The following SCGB2B2 variants were observed in gnomAD, a reference collection of about 807,000 sequenced individuals.
SCGB2B2 encodes the protein secretoglobin family 2B member 2.
A neutral mutation model predicts 7.6 loss-of-function variants in SCGB2B2; 11 were observed. The observed-to-expected ratio is 1.45, with a 90% CI of 0.91 to 2.40. The LOEUF (loss-of-function observed/expected upper bound fraction) is 2.40. Ranked by LOEUF, SCGB2B2 falls within the 30% of genes most tolerant of loss-of-function variation. The pLI is 0.00. For missense variants in SCGB2B2, 104 were observed against 115.4 expected, an observed-to-expected ratio of 0.90 and a Z score of 0.45; for synonymous variants, 50 against 48.6, an observed-to-expected ratio of 1.03 and a Z score of -0.12.
chr19:34,643,906 GAAA>G (rs945138745), intron 1 of SCGB2B2, among the ~76,000 whole-genome samples: 1 of 142,138 alleles, frequency 7.0e-6, no homozygotes, highest in Non-Finnish European at 1.5e-5. Context: ...AAGTTAAGCA[GAAA>G]AAAAAAAGAA....
At chr19:34,661,794 G>A (rs1271944043) in intron 1 of SCGB2B2, among the ~76,000 whole-genome samples, 1 of 151,836 alleles carries the variant, frequency 6.6e-6, no homozygotes, top group Non-Finnish European at 1.5e-5. Context: ...ACACAAATTT[G>A]TAAACTTTTT....
intron 1 of SCGB2B2, among the ~76,000 whole-genome samples, chr19:34,602,098 A>T (rs760573465): frequency 7.9e-5 from 12 of 152,182 alleles, no homozygotes; most frequent in Non-Finnish European, 1.5e-4. Context: ...ACTCTTTGTT[A>T]GATTAAGGAT....
intron 1 of SCGB2B2, among the ~76,000 whole-genome samples, chr19:34,605,391 G>T (rs868034656): frequency 2.0e-5 from 3 of 152,150 alleles, no homozygotes; most frequent in Admixed American, 6.5e-5. Flanking sequence ...TCCTTGTGCT[G>T]TGCTTTTGTA....
intron 1 of SCGB2B2, among the ~76,000 whole-genome samples, chr19:34,663,991 A>G (rs1479610055): frequency 4.5e-4 from 4 of 8,876 alleles, no homozygotes; most frequent in Non-Finnish European, 1.0e-3. Context: ...CCCCTCCCCC[A>G]TGGGACACCT....
chr19:34,602,443 C>T (rs949811708), intron 1 of SCGB2B2, among the ~76,000 whole-genome samples: 1 of 152,138 alleles, frequency 6.6e-6, no homozygotes, highest in Non-Finnish European at 1.5e-5. Context: ...GATGCAGTGG[C>T]GGTTTCCACT....
intron 1 of SCGB2B2, among the ~76,000 whole-genome samples, chr19:34,627,010 C>G (rs1277988238): frequency 1.3e-5 from 2 of 152,140 alleles, no homozygotes; most frequent in African/African-American, 2.4e-5. Flanking sequence ...GCCAAACTAA[C>G]CTTCATACGT....
chr19:34,597,120 C>T (rs2065479580), intron 1 of SCGB2B2, among the ~76,000 whole-genome samples: 1 of 151,782 alleles, frequency 6.6e-6, no homozygotes, highest in African/African-American at 2.4e-5. Flanking sequence ...ACTCAATCAC[C>T]TGCCTGTGCC....
intron 1 of SCGB2B2, among the ~76,000 whole-genome samples, chr19:34,640,178 T>C (rs191065974): frequency 5.3e-5 from 8 of 152,354 alleles, no homozygotes; most frequent in Admixed American, 3.3e-4. Flanking sequence ...TGGGGCTCAC[T>C]GCAGCCTCGA....
At chr19:34,622,917 GGTTT>G (rs2066276624) in intron 1 of SCGB2B2, among the ~76,000 whole-genome samples, 1 of 46,544 alleles carries the variant, frequency 2.1e-5, no homozygotes, top group African/African-American at 9.5e-5. Context: ...TTTTCATCTA[GGTTT>G]TTTTTTTTTT....
rs2067616361 is a variant in SCGB2B2, at chr19:34,666,196, T to C, written c.-2032+9434A>G. On this transcript the variant is annotated intron_variant, in intron 1 of 3. Coordinates refer to ENST00000601241, the MANE Select transcript of SCGB2B2 (RefSeq NM_001025591.4). ...GTCCCACAGGGTCCCCACACCAGGC[T>C]TTCTCAATGTCTCCCTGTCTCTCTC... is the stretch of plus-strand genomic sequence containing the variant. Among the ~76,000 whole-genome samples the C allele has an allele frequency of 3.9e-5, 6 of 152,088 alleles. No homozygotes were observed. The South Asian group carries it at 1.0e-3, about 26-fold the overall frequency.
At chr19:34,602,181 T>C (rs528639936) in intron 1 of SCGB2B2, among the ~76,000 whole-genome samples, 6 of 152,354 alleles carry the variant, frequency 3.9e-5, no homozygotes, top group Admixed American at 6.5e-5. Context: ...GAACACATCT[T>C]ATTTACATTT....
At position 34,675,799 on chromosome 19, in the gene SCGB2B2, G is replaced by A. The variant is rs2067913198; in HGVS notation, c.-2201C>T. On this transcript the variant is annotated 5_prime_UTR_variant, in exon 1 of 4. Coordinates refer to ENST00000601241, the MANE Select transcript of SCGB2B2 (RefSeq NM_001025591.4). ...TGGAGTTGTTTGTTCCTCCCGGTGG[G>A]TTCATGATTTCGCTGGCTTCAGGAG... 6.5e-6 allele frequency: 1 copy of A among 153,660 alleles called. No individual in the cohort carries two copies. Among genetic ancestry groups the A allele is most frequent in the Non-Finnish European group, 1.4e-5 (1 of 69,338 alleles). 9.5% of individuals were successfully genotyped at this position (153,660 alleles called of 1,614,324 possible).
At chr19:34,634,772 T>G (rs541055074) in intron 1 of SCGB2B2, 1 of 179,282 alleles carries the variant, frequency 5.6e-6, no homozygotes, top group South Asian at 1.5e-4. Context: ...AAGGTCTTTT[T>G]CTAGTATGGA....
chr19:34,624,269 C>G (rs1402421696), intron 1 of SCGB2B2, among the ~76,000 whole-genome samples: 1 of 152,146 alleles, frequency 6.6e-6, no homozygotes, highest in Non-Finnish European at 1.5e-5. Context: ...AGGAATAAAA[C>G]AACCCAAATG....
At chr19:34,587,214 A>T (rs2065204620), downstream of SCGB2B2, among the ~76,000 whole-genome samples, 1 of 152,108 alleles carries the variant, frequency 6.6e-6, no homozygotes, top group Non-Finnish European at 1.5e-5. Flanking sequence ...GGCAATATGT[A>T]GTTTTTTTGA....
At position 34,594,337 on chromosome 19, in the gene SCGB2B2, A is replaced by G; in HGVS notation, c.84T>C (p.Asp28=). Residue 28 remains aspartate, a synonymous_variant, in exon 3 of 4, where the codon GAT becomes GAC. Transcript: ENST00000601241. ...CAAACACAACATTCGCAAGCAGTTTATCGATATCCAGGCAGGCATCCCCTG... is the reference window on the plus strand; with the variant it reads ...CAAACACAACATTCGCAAGCAGTTTGTCGATATCCAGGCAGGCATCCCCTG... ...VQLGDACLDI[D]KLLANVVFDV... is the part of the protein sequence containing the mutation. 6.2e-7 allele frequency: 1 copy of G among 1,614,130 alleles called. No homozygotes were observed. The highest frequency in any genetic ancestry group is 8.5e-7 in the Non-Finnish European group (1 of 1,179,994).
At chr19:34,587,524 T>G (rs553044085), downstream of SCGB2B2, among the ~76,000 whole-genome samples, 1 of 152,300 alleles carries the variant, frequency 6.6e-6, no homozygotes, top group South Asian at 2.1e-4. Flanking sequence ...CTTTGTTTCT[T>G]TTTCTTGCCT....
intron 1 of SCGB2B2, among the ~76,000 whole-genome samples, chr19:34,629,910 C>A (rs1600055846): frequency 6.6e-6 from 1 of 151,972 alleles, no homozygotes; most frequent in African/African-American, 2.4e-5. Context: ...GGTACCAAAA[C>A]AGAGATATAG....
chr19:34,663,377 A>G lies in SCGB2B2; in HGVS notation c.-2032+12253T>C, dbSNP rs149511866. Among the ~76,000 whole-genome samples the G allele has an allele frequency of 3.9e-3, 597 of 152,348 alleles. 3 individuals are homozygous for G. Among genetic ancestry groups the G allele is most frequent in the Non-Finnish European group, 6.8e-3 (464 of 68,020 alleles). On this transcript the variant is annotated intron_variant, in intron 1 of 3. Coordinates refer to ENST00000601241, the MANE Select transcript of SCGB2B2 (RefSeq NM_001025591.4). The stretch of plus-strand genomic sequence containing the variant: ...TAATAGAATCAGTACACAATGGCAG[A>G]TTTTTTAAACCATAAAGACAGCAAT...
Sources: allele counts gnomAD v4.1 joint callset (sites outside exome capture counted in the v4.1 genomes callset), GRCh38; gene constraint gnomAD v4.1.1; transcripts MANE v1.5; gene names NCBI Gene and HGNC (gene_info 2026-07-23, HGNC 2026-07-21).